SVIL: variants seen among roughly 807,000 people sequenced by gnomAD.
SVIL encodes the protein archvillin.
In SVIL, 101 loss-of-function variants were observed where a neutral mutation model predicts 240.4. The ratio of observed to expected loss-of-function variants is 0.42; its 90% confidence interval spans 0.36 to 0.50. The LOEUF is 0.50. Among genes scored for constraint, SVIL ranks in the 20% least tolerant of loss-of-function variants. SVIL has a pLI of 0.01. For missense variants in SVIL, 2,512 were observed against 2,818.7 expected, an observed-to-expected ratio of 0.89 and a Z score of 2.46; for synonymous variants, 999 against 1,100.0, an observed-to-expected ratio of 0.91 and a Z score of 1.82.
At chr10:29,511,294 C>T (rs57865373) in intron 17 of SVIL, among the ~76,000 whole-genome samples, 29,136 of 111,814 alleles carry the variant, frequency 0.26, 3,287 homozygotes, top group African/African-American at 0.3. Context: ...GCAGTGCACC[C>T]ATTTCACTAT....
At chr10:29,681,398 G>A (rs1407435560) in intron 2 of SVIL, among the ~76,000 whole-genome samples, 4 of 135,774 alleles carry the variant, frequency 2.9e-5, no homozygotes, top group African/African-American at 1.2e-4. Flanking sequence ...GACCTCTAAA[G>A]ATGGAATGGT....
chr10:29,660,324 TA>T (rs978352892), intron 2 of SVIL, among the ~76,000 whole-genome samples: 35 of 151,810 alleles, frequency 2.3e-4, no homozygotes, highest in African/African-American at 8.2e-4. Context: ...AAAAAAAAAT[TA>T]AAAAGGCAGG....
In SVIL at chr10:29,729,449, A is replaced by AGG. The variant is rs796281419; in HGVS notation, c.-400+6300_-400+6301dup. 3.2e-3 allele frequency among the ~76,000 whole-genome samples: 253 copies of AGG among 79,134 alleles called. 3 individuals carry two copies. Among genetic ancestry groups the AGG allele is most frequent in the African/African-American group, 0.013 (223 of 17,144 alleles). The allele number at this position is 79,134 out of a possible 152,430, so 51.9% of individuals were successfully genotyped here. A position where few individuals can be genotyped will look rare whatever the true frequency, so the allele number is the denominator to read the frequency against. On this transcript the variant is annotated intron_variant, in intron 1 of 35. Transcript: ENST00000375400. ...CCATGCTGGGCCTCTGTGTTTATGG[A>AGG]GGTGTGTGTGTGTGTGTGTGTGTGT...
At chr10:29,487,550 G>T (rs1353746249) in intron 23 of SVIL, 2 of 433,638 alleles carry the variant, frequency 4.6e-6, no homozygotes, top group Non-Finnish European at 8.3e-6. Flanking sequence ...TGTCATGTGC[G>T]TGGGTTAATG....
intron 28 of SVIL, 44 bp from the exon 29 acceptor site, chr10:29,480,857 C>A: frequency 6.4e-7 from 1 of 1,572,336 alleles, no homozygotes; most frequent in East Asian, 2.3e-5. Flanking sequence ...CCTGTTTCTG[C>A]AGCTATTCCT....
chr10:29,591,795 C>A (rs1234857707), intron 1 of SVIL, among the ~76,000 whole-genome samples: 1 of 152,164 alleles, frequency 6.6e-6, no homozygotes, highest in Non-Finnish European at 1.5e-5. Flanking sequence ...CTCCATGCTG[C>A]GAAGGGATCT....
upstream of SVIL, among the ~76,000 whole-genome samples, chr10:29,638,187 C>T (rs1958371260): frequency 6.6e-6 from 1 of 152,080 alleles, no homozygotes; most frequent in African/African-American, 2.4e-5. Flanking sequence ...TTAAGCAGGG[C>T]GGGGTGGCTC....
intron 33 of SVIL, among the ~76,000 whole-genome samples, chr10:29,466,628 C>G (rs79161254): frequency 0.072 from 10,970 of 152,180 alleles, 559 homozygotes; most frequent in Admixed American, 0.15. Flanking sequence ...CTGTCAGAGA[C>G]TGTCAGGTAG....
chr10:29,621,806 T>A (rs1412763006), intron 1 of SVIL, among the ~76,000 whole-genome samples: 2 of 152,066 alleles, frequency 1.3e-5, no homozygotes, highest in East Asian at 3.9e-4. Flanking sequence ...AATAAAGATT[T>A]ATGAGGAAAA....
rs1964858920 is a variant in SVIL, at chr10:29,735,583, C to T, written c.-400+168G>A. 6.6e-6 allele frequency among the ~76,000 whole-genome samples: 1 copy of T among 151,162 alleles called. No homozygotes were observed. Among genetic ancestry groups the T allele is most frequent in the African/African-American group, 2.4e-5 (1 of 41,270 alleles). ...CCCGGGCACCCGCCGGCCTCCACCC[C>T]CGGGAGGCGCCCCCGTTCCCGCTTC... is the stretch of plus-strand genomic sequence containing the variant. On this transcript the variant is annotated intron_variant, in intron 1 of 35. Transcript: ENST00000375400. This position sits in a 1 kb window ranked among gnomAD's most constrained non-coding sequence, Gnocchi z 4.1.
At chr10:29,709,920 G>A (rs1008781530) in intron 1 of SVIL, among the ~76,000 whole-genome samples, 14 of 152,288 alleles carry the variant, frequency 9.2e-5, no homozygotes, top group African/African-American at 3.4e-4. Flanking sequence ...AGACTGTGCT[G>A]CCTCAATGGG....
In SVIL at chr10:29,518,426, CTT is replaced by C. The variant is rs1950354055; in HGVS notation, c.3389+3982_3389+3983del. 2.0e-5 allele frequency among the ~76,000 whole-genome samples: 3 copies of C among 151,986 alleles called. No individual in the cohort carries two copies. In the South Asian group the frequency reaches 6.2e-4, roughly 32 times the overall value. On this transcript the variant is annotated intron_variant, in intron 16 of 37. Transcript: ENST00000355867. Reference sequence around the variant, plus strand: ...AATAAATAAATAAATATAAAAATAACTTTTTAATATGTTTCCTTGAGCATCAA... The same window carrying C: ...AATAAATAAATAAATATAAAAATAACTTTAATATGTTTCCTTGAGCATCAA...
intron 1 of SVIL, among the ~76,000 whole-genome samples, chr10:29,716,876 A>C (rs758588705): frequency 7.9e-5 from 12 of 152,206 alleles, no homozygotes; most frequent in Non-Finnish European, 1.6e-4. Flanking sequence ...ACAGTTAACT[A>C]CAATGCAGGA....
chr10:29,547,363 T>C (rs574470398), intron 6 of SVIL, among the ~76,000 whole-genome samples: 39 of 152,302 alleles, frequency 2.6e-4, no homozygotes, highest in African/African-American at 9.4e-4. Flanking sequence ...TTTCTTTGCC[T>C]GTGAATCATA....
chr10:29,671,214 C>T (rs1959747641), intron 2 of SVIL: 1 of 152,154 alleles, frequency 6.6e-6, no homozygotes, highest in Non-Finnish European at 1.5e-5. Context: ...GAAATTAGCT[C>T]CCCAAAGTAA....
At chr10:29,722,371 A>G (rs755962211) in intron 1 of SVIL, among the ~76,000 whole-genome samples, 7 of 152,170 alleles carry the variant, frequency 4.6e-5, no homozygotes, top group African/African-American at 7.2e-5. Context: ...AAACTTATGC[A>G]AGACCATATC....
chr10:29,566,805 A>T (rs556591173), intron 2 of SVIL, among the ~76,000 whole-genome samples: 1 of 152,228 alleles, frequency 6.6e-6, no homozygotes, highest in South Asian at 2.1e-4. Flanking sequence ...CCCCAAAAGC[A>T]TGGAGCTCTC....
chr10:29,643,578 T>A (rs1400396501), intron 3 of SVIL, among the ~76,000 whole-genome samples: 1 of 152,094 alleles, frequency 6.6e-6, no homozygotes, highest in Non-Finnish European at 1.5e-5. Flanking sequence ...AAATTTCTTT[T>A]TAAAGACAAA....
At chr10:29,594,559 CTTTTTTT>C in intron 1 of SVIL, among the ~76,000 whole-genome samples, 1 of 140,600 alleles carries the variant, frequency 7.1e-6, no homozygotes, top group East Asian at 2.1e-4. Context: ...AATTTTTTTT[CTTTTTTT>C]TTTTTTTTGA....
Sources: gnomAD v4.1 joint callset for allele counts (sites outside exome capture counted in the v4.1 genomes callset) on GRCh38, gnomAD v4.1.1 for gene constraint, Gnocchi (gnomAD v3.1) non-coding constraint, MANE v1.5 for transcripts, NCBI Gene and HGNC (gene_info 2026-07-23, HGNC 2026-07-21) for gene names.